DPP6: variants seen among roughly 807,000 people sequenced by gnomAD.
The protein encoded by DPP6 is dipeptidyl peptidase like 6.
In DPP6, 69 loss-of-function variants were observed where a neutral mutation model predicts 122.6. That is an observed-to-expected ratio of 0.56 (90% CI 0.46 to 0.69). The LOEUF (loss-of-function observed/expected upper bound fraction) is 0.69, where lower values mean the gene tolerates loss of function less well. DPP6 is among the 30% of genes least tolerant of loss of function. The pLI, the probability that DPP6 is intolerant of heterozygous loss-of-function variation, is 0.00. For missense variants in DPP6, 928 were observed against 1,116.9 expected, an observed-to-expected ratio of 0.83 and a Z score of 2.41; for synonymous variants, 418 against 433.1, an observed-to-expected ratio of 0.97 and a Z score of 0.43.
chr7:154,427,777 C>A (rs1818034567), intron 1 of DPP6, among the ~76,000 whole-genome samples: 1 of 152,154 alleles, frequency 6.6e-6, no homozygotes, highest in Non-Finnish European at 1.5e-5. Flanking sequence ...CATTGCAGGG[C>A]CTTCAATAGC....
rs1446447028 is a variant in DPP6 at position 154,243,258 on chromosome 7, A to G, written c.243+190195A>G. ...ATTGCTAGAGTTTCAAAGAAACATG[A>G]ATATAAGACCCATGATCAAGGAAAA... On this transcript the variant is annotated intron_variant, in intron 1 of 25. Transcript: ENST00000377770. 2.0e-5 allele frequency among the ~76,000 whole-genome samples: 3 copies of G among 152,186 alleles called. No homozygotes were observed. The East Asian group carries it at 5.8e-4, about 29-fold the overall frequency.
intron 1 of DPP6, among the ~76,000 whole-genome samples, chr7:153,972,628 G>A (rs1464901635): frequency 6.6e-6 from 1 of 150,584 alleles, no homozygotes; most frequent in Non-Finnish European, 1.5e-5. Flanking sequence ...TGGTAGTACA[G>A]TGGCAGTTGG....
At chr7:154,710,683 C>T (rs1233029533) in intron 7 of DPP6, among the ~76,000 whole-genome samples, 1 of 152,244 alleles carries the variant, frequency 6.6e-6, no homozygotes, top group Non-Finnish European at 1.5e-5. Flanking sequence ...TTTCTGCTTT[C>T]AGCAGGGTCT....
intron 3 of DPP6, among the ~76,000 whole-genome samples, chr7:154,495,534 C>T (rs1379733387): frequency 6.6e-6 from 1 of 152,014 alleles, no homozygotes; most frequent in Non-Finnish European, 1.5e-5. Context: ...GGACTACAGG[C>T]ATGCGCCACC....
the DPP6 span, among the ~76,000 whole-genome samples, chr7:153,757,498 C>T: frequency 7.3e-5 from 11 of 150,268 alleles, no homozygotes; most frequent in East Asian, 3.9e-4. Flanking sequence ...AGGAGGGAAA[C>T]GGAATCAGTA....
At chr7:153,868,600 C>A in the DPP6 span, among the ~76,000 whole-genome samples, 6 of 152,046 alleles carry the variant, frequency 3.9e-5, no homozygotes, top group Admixed American at 3.9e-4. Flanking sequence ...TTAAAAAAAC[C>A]AGCTCCTGGA....
At chr7:154,277,977 G>A (rs552067153) in intron 1 of DPP6, among the ~76,000 whole-genome samples, 2 of 152,212 alleles carry the variant, frequency 1.3e-5, no homozygotes, top group East Asian at 1.9e-4. Context: ...GCAGGTGCAC[G>A]GCTTTGCCCA....
At chr7:154,323,905 T>C (rs920667482) in intron 1 of DPP6, among the ~76,000 whole-genome samples, 1 of 152,224 alleles carries the variant, frequency 6.6e-6, no homozygotes, top group Non-Finnish European at 1.5e-5. Context: ...GGGTTTGATA[T>C]GGATGAAAGC....
chr7:154,361,372 C>CCGT (rs1563544622), intron 1 of DPP6, among the ~76,000 whole-genome samples: 6 of 152,136 alleles, frequency 3.9e-5, no homozygotes, highest in Non-Finnish European at 8.8e-5. Context: ...GTGAGATAGA[C>CCGT]CACCACAGTG....
chr7:153,966,654 C>T (rs39167), intron 1 of DPP6, among the ~76,000 whole-genome samples: 110,193 of 135,164 alleles, frequency 0.82, 45,391 homozygotes, highest in East Asian at 1. Context: ...GCACAACGTG[C>T]AGGTTTGTTA....
At chr7:154,820,394 G>T (rs1014385509) in intron 16 of DPP6, among the ~76,000 whole-genome samples, 2 of 152,120 alleles carry the variant, frequency 1.3e-5, no homozygotes, top group South Asian at 4.2e-4. Flanking sequence ...GAAGCTGACT[G>T]CTCAAGACTT....
At chr7:154,261,324 T>C (rs888326425) in intron 1 of DPP6, among the ~76,000 whole-genome samples, 5 of 152,220 alleles carry the variant, frequency 3.3e-5, no homozygotes, top group African/African-American at 1.2e-4. Flanking sequence ...GCTGGGATAA[T>C]TGGCAAGCTA....
rs115405912 is a variant in DPP6, at chr7:154,302,977, T to G, written c.244-143237T>G. ...TTTGACCCATCCCTGGGGTTTTAGT[T>G]TTTTTGTTTGTTTGTTTGTTTTGAG... On this transcript the variant is annotated intron_variant, in intron 1 of 25. Coordinates refer to ENST00000377770, the MANE Select transcript of DPP6 (RefSeq NM_130797.4). 3.3e-3 allele frequency among the ~76,000 whole-genome samples: 459 copies of G among 141,224 alleles called. 1 individual carries two copies. The highest frequency in any genetic ancestry group is 0.012 in the African/African-American group (446 of 36,664). 92.6% of individuals were successfully genotyped at this position (141,224 alleles called of 152,430 possible). A position where few individuals can be genotyped will look rare whatever the true frequency, so the allele number is the denominator to read the frequency against.
chr7:154,036,312 G>A (rs1362034419), intron 1 of DPP6, among the ~76,000 whole-genome samples: 1,605 of 141,272 alleles, frequency 0.011, 38 homozygotes, highest in African/African-American at 0.041. Flanking sequence ...GGGGGCGGGG[G>A]GATTCACCAT....
chr7:153,808,936 T>C, the DPP6 span, among the ~76,000 whole-genome samples: 2 of 151,962 alleles, frequency 1.3e-5, no homozygotes, highest in South Asian at 4.1e-4. Flanking sequence ...CATATGGCAG[T>C]TCTATTTTGA....
chr7:154,243,623 G>A (rs113371147), intron 1 of DPP6, among the ~76,000 whole-genome samples: 5,817 of 151,890 alleles, frequency 0.038, 178 homozygotes, highest in East Asian at 0.13. Context: ...CTGAAACCCC[G>A]TCTCTACTAA....
chr7:154,012,543 G>A (rs1321304113), intron 1 of DPP6, among the ~76,000 whole-genome samples: 1 of 152,114 alleles, frequency 6.6e-6, no homozygotes, highest in East Asian at 1.9e-4. Flanking sequence ...TAGAATGGGA[G>A]AACACTTTTG....
intron 1 of DPP6, among the ~76,000 whole-genome samples, chr7:154,168,097 A>G (rs889505744): frequency 6.6e-6 from 1 of 152,160 alleles, no homozygotes; most frequent in Non-Finnish European, 1.5e-5. Flanking sequence ...CACCGGGGAA[A>G]CCAGCCTCTA....
At chr7:154,061,600 C>T (rs1388780069) in intron 1 of DPP6, among the ~76,000 whole-genome samples, 1 of 128,678 alleles carries the variant, frequency 7.8e-6, no homozygotes, top group South Asian at 2.6e-4. Flanking sequence ...CCCCCTGGCT[C>T]TTGGGACTCC....
Sources: allele counts gnomAD v4.1 joint callset (sites outside exome capture counted in the v4.1 genomes callset), GRCh38; gene constraint gnomAD v4.1.1; transcripts MANE v1.5; gene names NCBI Gene and HGNC (gene_info 2026-07-23, HGNC 2026-07-21).